TNIP2: variants seen among roughly 807,000 people sequenced by gnomAD.
The protein encoded by TNIP2 is TNFAIP3 interacting protein 2.
A neutral mutation model predicts 43.7 loss-of-function variants in TNIP2; 30 were observed. The observed-to-expected ratio is 0.69, with a 90% CI of 0.51 to 0.93. TNIP2 has a LOEUF of 0.93. Among genes scored for constraint, TNIP2 ranks in the 40% least tolerant of loss-of-function variants. TNIP2 has a pLI of 0.00. For synonymous variants in TNIP2, 260 were observed against 254.6 expected (o/e 1.02, Z -0.20); for missense variants, 599 against 591.0 (o/e 1.01, Z -0.14).
chr4:2,747,361 A>T, intron 2 of TNIP2: 1 of 375,518 alleles, frequency 2.7e-6, no homozygotes, highest in Non-Finnish European at 4.9e-6. Flanking sequence ...CCTCCTCCTC[A>T]TCCTCAGCTG....
At position 2,751,646 on chromosome 4, in the gene TNIP2, G is replaced by A. The variant is rs1038682611; in HGVS notation, c.277-3701C>T. On this transcript the variant is annotated intron_variant, in intron 1 of 5. Transcript: ENST00000315423. ...ACATTAGCCAGGCATGGTGGTGGGC[G>A]TTTGTAGTCCCAGCTACTCGGGAGG... 5.3e-5 allele frequency among the ~76,000 whole-genome samples: 8 copies of A among 152,188 alleles called. 1 individual carries two copies. Among genetic ancestry groups the A allele is most frequent in the South Asian group, 4.2e-4 (2 of 4,810 alleles).
intron 1 of TNIP2, among the ~76,000 whole-genome samples, chr4:2,754,596 T>C (rs938869647): frequency 6.6e-6 from 1 of 152,222 alleles, no homozygotes; most frequent in African/African-American, 2.4e-5. Flanking sequence ...TTTTGTATTT[T>C]TAGTAGAGAT....
rs763069588 is a variant in TNIP2 at position 2,744,528 on chromosome 4, A to G, written c.907-22T>C. 15 of 1,613,848 alleles carry G rather than the reference A, an allele frequency of 9.3e-6. No homozygotes were observed. The highest frequency in any genetic ancestry group is 6.7e-5 in the Admixed American group (4 of 59,990). ...GAATCTGAAGAGAGGCGAGACACAC[A>G]TTTCTGCTCAAGGAAGGAGGAAGCG... On this transcript the variant is annotated intron_variant, in intron 4 of 5. Transcript: ENST00000315423. This position sits in a 1 kb window ranked among gnomAD's most constrained non-coding sequence, Gnocchi z 5.1.
At position 2,756,019 on chromosome 4, in the gene TNIP2, G is replaced by T. The variant is rs1224629136; in HGVS notation, c.271C>A (p.Arg91Ser). Residue 91 changes from arginine to serine, a missense_variant, in exon 1 of 6, where the codon CGC becomes AGC. Transcript: ENST00000315423. ...QEGGAAEAQMRQEIERLTERL... is the reference protein window; with the variant it reads ...QEGGAAEAQMSQEIERLTERL... Reference sequence around the variant, plus strand: ...TCTGGTACCCGCCCTCGTACCTGGCGCATCTGGGCCTCGGCGGCGCCGCCC... The same window carrying T: ...TCTGGTACCCGCCCTCGTACCTGGCTCATCTGGGCCTCGGCGGCGCCGCCC... 2 of 1,548,142 alleles carry T rather than the reference G, an allele frequency of 1.3e-6. No homozygotes were observed. Among genetic ancestry groups the T allele is most frequent in the Middle Eastern group, 2.3e-4 (1 of 4,336 alleles).
In TNIP2 at chr4:2,744,781, G is replaced by C; in HGVS notation, c.822C>G (p.Asp274Glu). Residue 274 changes from aspartate to glutamate, a missense_variant, in exon 4 of 6, where the codon GAC (aspartate) becomes GAG (glutamate). Coordinates refer to ENST00000315423, the MANE Select transcript of TNIP2 (RefSeq NM_024309.4). The surrounding 1 kb of genome is among the most constrained non-coding windows in gnomAD (Gnocchi z 5.1). ...LNRQLEEKIN[D>E]CAEVKQELAA... ...CCAGCTCCTGCTTCACTTCGGCACA[G>C]TCATTTATTTTCTCTTCCAACTGTC... The C allele has an allele frequency of 6.2e-7, 1 of 1,612,134 alleles. No homozygotes were observed. The highest frequency in any genetic ancestry group is 2.2e-5 in the East Asian group (1 of 44,892).
intron 2 of TNIP2, among the ~76,000 whole-genome samples, chr4:2,746,740 C>T (rs920943166): frequency 2.6e-5 from 4 of 152,220 alleles, no homozygotes; most frequent in South Asian, 2.1e-4. Flanking sequence ...GCCCTGTGCC[C>T]GGCAGTGCGA....
intron 1 of TNIP2, among the ~76,000 whole-genome samples, chr4:2,749,793 G>A (rs1045018780): frequency 2.0e-5 from 3 of 152,152 alleles, no homozygotes; most frequent in Non-Finnish European, 2.9e-5. Flanking sequence ...ACTTCTTAAA[G>A]AATTTAAAAA....
At chr4:2,755,930 G>A in intron 1 of TNIP2, 84 bp downstream of exon 1, 1 of 1,418,218 alleles carries the variant, frequency 7.1e-7, no homozygotes, top group Non-Finnish European at 9.2e-7. Flanking sequence ...CAGGACCCGG[G>A]GCCCGCTCGC....
At chr4:2,751,339 G>A (rs530813135) in intron 1 of TNIP2, among the ~76,000 whole-genome samples, 2 of 152,320 alleles carry the variant, frequency 1.3e-5, no homozygotes, top group South Asian at 4.1e-4. Context: ...GCCTGTCGCC[G>A]GGACCCACAA....
At chr4:2,748,821 G>T in intron 1 of TNIP2, among the ~76,000 whole-genome samples, 1 of 148,300 alleles carries the variant, frequency 6.7e-6, no homozygotes, top group African/African-American at 2.5e-5. Flanking sequence ...TTTGAGGCAG[G>T]GTCTCACTGT....
intron 1 of TNIP2, among the ~76,000 whole-genome samples, chr4:2,753,152 C>A (rs1722143823): frequency 6.6e-6 from 1 of 151,978 alleles, no homozygotes; most frequent in African/African-American, 2.4e-5. Flanking sequence ...TTAAAAATCC[C>A]CCCATGCTGG....
At chr4:2,745,140 C>T (rs1721911228) in intron 3 of TNIP2, among the ~76,000 whole-genome samples, 195 bp from the exon 4 acceptor site, 1 of 152,222 alleles carries the variant, frequency 6.6e-6, no homozygotes, top group Admixed American at 6.5e-5. Flanking sequence ...CGATGACACC[C>T]GTACGCAAGC....
chr4:2,748,498 A>G (rs1319605364), intron 1 of TNIP2, among the ~76,000 whole-genome samples: 3 of 151,788 alleles, frequency 2.0e-5, no homozygotes, highest in Admixed American at 2.0e-4. Context: ...ACACGCCACC[A>G]CGCCCAGCTA....
chr4:2,752,994 G>A (rs1371547140), intron 1 of TNIP2, among the ~76,000 whole-genome samples: 1 of 152,144 alleles, frequency 6.6e-6, no homozygotes, highest in East Asian at 1.9e-4. Flanking sequence ...GAGCCCAGGA[G>A]TTCAAGGTTA....
At chr4:2,745,381 A>C in intron 3 of TNIP2, 65 bp downstream of exon 3, 2 of 1,267,794 alleles carry the variant, frequency 1.6e-6, no homozygotes, top group Admixed American at 3.8e-5. Flanking sequence ...CAGCCAAGGA[A>C]AGAACCCTCA....
intron 1 of TNIP2, among the ~76,000 whole-genome samples, chr4:2,753,065 C>T (rs568154585): frequency 6.6e-6 from 1 of 152,068 alleles, no homozygotes; most frequent in South Asian, 2.1e-4. Context: ...AGACCAAGAC[C>T]CTGTCTCTAA....
intron 1 of TNIP2, among the ~76,000 whole-genome samples, chr4:2,750,925 C>T (rs1461447378): frequency 6.6e-6 from 1 of 152,202 alleles, no homozygotes; most frequent in Non-Finnish European, 1.5e-5. Context: ...CTTGCCTCCA[C>T]ACCCTAGTAC....
chr4:2,751,031 C>T (rs1044606167), intron 1 of TNIP2, among the ~76,000 whole-genome samples: 1 of 152,216 alleles, frequency 6.6e-6, no homozygotes, highest in African/African-American at 2.4e-5. Context: ...ACGCTCAACC[C>T]GTGGGGGCAG....
intron 1 of TNIP2, among the ~76,000 whole-genome samples, chr4:2,754,365 C>T (rs575184260): frequency 2.0e-5 from 3 of 152,254 alleles, no homozygotes; most frequent in Non-Finnish European, 4.4e-5. Context: ...CATCAAAAAA[C>T]AGACATAAAC....
Sources: gnomAD v4.1 joint callset for allele counts (sites outside exome capture counted in the v4.1 genomes callset) on GRCh38, gnomAD v4.1.1 for gene constraint, Gnocchi (gnomAD v3.1) non-coding constraint, MANE v1.5 for transcripts, NCBI Gene and HGNC (gene_info 2026-07-23, HGNC 2026-07-21) for gene names.